SCHIP1: variants seen among roughly 807,000 people sequenced by gnomAD.
The protein encoded by SCHIP1 is schwannomin-interacting protein 1.
Under a neutral mutation model 29.7 loss-of-function variants are expected in SCHIP1, and 8 were observed. The ratio of observed to expected loss-of-function variants is 0.27; its 90% CI spans 0.16 to 0.49. The LOEUF (loss-of-function observed/expected upper bound fraction) is 0.49. Among genes scored for constraint, SCHIP1 ranks in the 20% least tolerant of loss-of-function variants. The pLI, the probability that SCHIP1 is intolerant of heterozygous loss-of-function variation, is 0.99. For missense variants in SCHIP1, 193 were observed against 294.6 expected (o/e 0.66, Z 2.52); for synonymous variants, 76 against 94.9 (o/e 0.80, Z 1.16).
At chr3:159,316,014 C>A in the SCHIP1 span, among the ~76,000 whole-genome samples, 1 of 152,098 alleles carries the variant, frequency 6.6e-6, no homozygotes, top group East Asian at 1.9e-4. Flanking sequence ...GTAAATATTT[C>A]TTGTCATCCA....
At chr3:159,738,191 G>A in the SCHIP1 span, among the ~76,000 whole-genome samples, 1 of 151,258 alleles carries the variant, frequency 6.6e-6, no homozygotes, top group Non-Finnish European at 1.5e-5. Flanking sequence ...GTATTTTTCT[G>A]GAAAAGTCAA....
the SCHIP1 span, among the ~76,000 whole-genome samples, chr3:159,462,081 G>A: frequency 6.6e-5 from 10 of 151,794 alleles, no homozygotes; most frequent in Non-Finnish European, 1.0e-4. Flanking sequence ...ATAGTGGTGC[G>A]CACCTGTAAT....
the SCHIP1 span, among the ~76,000 whole-genome samples, chr3:159,587,915 T>G: frequency 1.2e-4 from 19 of 152,236 alleles, no homozygotes; most frequent in South Asian, 1.7e-3. Context: ...TGTGAATAGT[T>G]CCACAATAAA....
chr3:159,489,187 G>T, the SCHIP1 span, among the ~76,000 whole-genome samples: 5 of 152,114 alleles, frequency 3.3e-5, no homozygotes, highest in African/African-American at 1.2e-4. Context: ...GCTTTAAAAT[G>T]AGGTGCTGAT....
the SCHIP1 span, among the ~76,000 whole-genome samples, chr3:159,616,878 C>T: frequency 2.0e-5 from 3 of 152,166 alleles, no homozygotes; most frequent in African/African-American, 7.2e-5. Flanking sequence ...TGGTCCCTAG[C>T]CACATGTAGC....
At chr3:159,300,129 T>C in the SCHIP1 span, among the ~76,000 whole-genome samples, 1 of 132,772 alleles carries the variant, frequency 7.5e-6, no homozygotes, top group Non-Finnish European at 1.6e-5. Context: ...TTTTTTTTTT[T>C]TTTTTTTTTT....
chr3:159,361,073 G>A, the SCHIP1 span, among the ~76,000 whole-genome samples: 3 of 152,186 alleles, frequency 2.0e-5, no homozygotes, highest in East Asian at 1.9e-4. Context: ...AGACCAAAAC[G>A]GACCAAAATT....
At chr3:159,600,393 A>C in the SCHIP1 span, among the ~76,000 whole-genome samples, 1 of 152,068 alleles carries the variant, frequency 6.6e-6, no homozygotes, top group African/African-American at 2.4e-5. Flanking sequence ...ATACTTTTTC[A>C]TCATTTTTTG....
At chr3:159,554,004 GTGTGTGTGTGTGTGTTTGTGTA>G in the SCHIP1 span, among the ~76,000 whole-genome samples, 18 of 123,274 alleles carry the variant, frequency 1.5e-4, no homozygotes, top group African/African-American at 7.3e-4. Context: ...GTGTGTGTGT[GTGTGTGTGTGTGTGTTTGTGTA>G]TGTGTGTGTG....
chr3:159,785,567 A>G, the SCHIP1 span, among the ~76,000 whole-genome samples: 1 of 146,224 alleles, frequency 6.8e-6, no homozygotes, highest in Non-Finnish European at 1.5e-5. Context: ...TCTCAGGGCC[A>G]TAGTTTTGTT....
the SCHIP1 span, among the ~76,000 whole-genome samples, chr3:159,484,819 T>C: frequency 3.5e-4 from 53 of 152,336 alleles, no homozygotes; most frequent in African/African-American, 1.2e-3. Context: ...TTGTTTTCTG[T>C]CTGAGCCAAA....
At chr3:159,881,550 T>C (rs1716440465) in intron 2 of SCHIP1, among the ~76,000 whole-genome samples, 1 of 152,200 alleles carries the variant, frequency 6.6e-6, no homozygotes, top group African/African-American at 2.4e-5. Context: ...CTTAAAATTA[T>C]AAGCAAGTAT....
At chr3:159,684,353 C>G in the SCHIP1 span, among the ~76,000 whole-genome samples, 1 of 152,224 alleles carries the variant, frequency 6.6e-6, no homozygotes, top group Non-Finnish European at 1.5e-5. Flanking sequence ...TTTCTCCTTA[C>G]TATCTCCTGA....
chr3:159,765,377 GA>G, the SCHIP1 span: 1 of 479,408 alleles, frequency 2.1e-6, no homozygotes, highest in Non-Finnish European at 3.6e-6. Context: ...GAGGGCAGCG[GA>G]AAGTCGGGTT....
At chr3:159,323,853 A>C in the SCHIP1 span, among the ~76,000 whole-genome samples, 1 of 152,156 alleles carries the variant, frequency 6.6e-6, no homozygotes, top group Admixed American at 6.6e-5. Flanking sequence ...GCTATCGGTG[A>C]GCTAACTAGA....
the SCHIP1 span, among the ~76,000 whole-genome samples, chr3:159,689,813 G>T: frequency 6.6e-6 from 1 of 152,176 alleles, no homozygotes; most frequent in Admixed American, 6.5e-5. Context: ...ATGAAGGGGT[G>T]TTGAATTTTA....
At chr3:159,708,565 A>C in the SCHIP1 span, among the ~76,000 whole-genome samples, 2 of 152,254 alleles carry the variant, frequency 1.3e-5, no homozygotes, top group African/African-American at 4.8e-5. Context: ...TTTTTAAACC[A>C]ATCCTTAGAA....
the SCHIP1 span, among the ~76,000 whole-genome samples, chr3:159,531,159 C>CTGACAT: frequency 6.6e-6 from 1 of 152,202 alleles, no homozygotes; most frequent in Non-Finnish European, 1.5e-5. Flanking sequence ...ATAATTTTAA[C>CTGACAT]TGACACTCAT....
At chr3:159,746,529 G>A in the SCHIP1 span, among the ~76,000 whole-genome samples, 1 of 147,544 alleles carries the variant, frequency 6.8e-6, no homozygotes, top group East Asian at 2.0e-4. Flanking sequence ...AGGCCTTTAG[G>A]TTATGTTTTG....
Sources: allele counts gnomAD v4.1 joint callset (sites outside exome capture counted in the v4.1 genomes callset), GRCh38; gene constraint gnomAD v4.1.1; transcripts MANE v1.5; gene names NCBI Gene and HGNC (gene_info 2026-07-23, HGNC 2026-07-21).